The following GALC variants were observed in gnomAD, a reference collection of about 807,000 sequenced individuals.
GALC encodes the protein galactocerebrosidase.
GALC carries 77 observed loss-of-function variants against 91.8 expected under a neutral mutation model. The observed-to-expected ratio is 0.84, with a 90% CI of 0.70 to 1.01. GALC has a LOEUF of 1.01. Ranked by LOEUF, GALC falls within the 50% of genes least tolerant of loss-of-function variation. The pLI is 0.00. For synonymous variants in GALC, 357 were observed against 306.7 expected (o/e 1.16, Z -1.71); for missense variants, 882 against 855.9 (o/e 1.03, Z -0.38).
intron 10 of GALC, chr14:87,953,826 G>C: frequency 6.2e-7 from 1 of 1,609,358 alleles, no homozygotes. Flanking sequence ...TGATTGTTTA[G>C]TCATGGTGCT....
chr14:87,946,565 G>A (rs1403252513), intron 13 of GALC, among the ~76,000 whole-genome samples: 1 of 151,512 alleles, frequency 6.6e-6, no homozygotes, highest in Non-Finnish European at 1.5e-5. Context: ...TATATTTGAA[G>A]GTTTGAAATT....
chr14:87,947,666 A>C, intron 13 of GALC, 62 bp downstream of exon 13: 3 of 1,498,592 alleles, frequency 2.0e-6, no homozygotes, highest in Non-Finnish European at 2.8e-6. Flanking sequence ...TTTGACAGGT[A>C]GAAATCAACA....
At chr14:87,988,921 T>C (rs943008485) in intron 1 of GALC, among the ~76,000 whole-genome samples, 6 of 152,190 alleles carry the variant, frequency 3.9e-5, no homozygotes, top group Admixed American at 2.6e-4. Context: ...CAAGCAGCAA[T>C]GCTGAAAGGA....
rs745970198 is a variant in GALC at position 87,992,938 on chromosome 14, C to T, written c.195+32G>A. ...GGCCCCACGGGGCGGGCTCTTGCCG[C>T]CCCCCGCGTATCCCCGCAGCTTGCC... On this transcript the variant is annotated intron_variant, in intron 1 of 16. Coordinates refer to ENST00000261304, the MANE Select transcript of GALC (RefSeq NM_000153.4). 179 of 1,499,676 alleles carry T rather than the reference C, an allele frequency of 1.2e-4. 1 individual carries two copies. The African/African-American group carries it at 2.2e-3, about 19-fold the overall frequency. The allele number at this position is 1,499,676 out of a possible 1,614,324, so 92.9% of individuals were successfully genotyped here.
In GALC at chr14:87,993,042, G is replaced by T; in HGVS notation, c.123C>A (p.Gly41=). The change falls in exon 1 of 17, where the codon GGC becomes GGA. Residue 41 remains glycine (G), a synonymous_variant. Coordinates refer to ENST00000261304, the MANE Select transcript of GALC (RefSeq NM_000153.4). The part of the protein sequence containing the change: ...LLLCALLAPG[G]AYVLDDSDGL... ...CGTCGGAGTCGTCGAGCACGTACGC[G>T]CCGCCGGGCGCCAGCAGCGCACACA... The T allele has an allele frequency of 6.4e-7, 1 of 1,554,604 alleles. No homozygotes were observed. The highest frequency in any genetic ancestry group is 1.2e-5 in the South Asian group (1 of 85,158).
At chr14:87,950,590 T>TA in intron 11 of GALC, 69 bp downstream of exon 11, 10 of 962,014 alleles carry the variant, frequency 1.0e-5, no homozygotes, top group Non-Finnish European at 1.6e-5. Flanking sequence ...ACTTAAGAAC[T>TA]ACTGGCCTGT....
At position 87,984,605 on chromosome 14, in the gene GALC, T is replaced by A. The variant is rs539506929; in HGVS notation, c.443-72A>T. ...CTGGCGCTATTGAAAATAAAACAAA[T>A]TTTTTTTAAGAAAAGCATTCAACTA... On this transcript the variant is annotated intron_variant, in intron 4 of 16. Transcript: ENST00000261304. 1.2e-4 allele frequency: 181 copies of A among 1,522,858 alleles called. 1 individual carries two copies. In the African/African-American group the frequency reaches 2.2e-3, roughly 18 times the overall value. 94.3% of individuals were successfully genotyped at this position (1,522,858 alleles called of 1,614,324 possible).
chr14:87,965,869 T>C (rs1886030463), intron 8 of GALC, among the ~76,000 whole-genome samples: 1 of 152,156 alleles, frequency 6.6e-6, no homozygotes, highest in South Asian at 2.1e-4. Flanking sequence ...TACAAATGTA[T>C]TATGTGCAAA....
chr14:87,937,879 T>C (rs1485950508), intron 16 of GALC, among the ~76,000 whole-genome samples: 1 of 151,708 alleles, frequency 6.6e-6, no homozygotes, highest in Non-Finnish European at 1.5e-5. Context: ...TGGTGAAATA[T>C]AGCATGCTTT....
chr14:87,975,753 T>A (rs1336245757), intron 7 of GALC, among the ~76,000 whole-genome samples: 1 of 151,326 alleles, frequency 6.6e-6, no homozygotes, highest in African/African-American at 2.4e-5. Flanking sequence ...TCTACACACA[T>A]ACATACACAC....
At chr14:87,953,547 T>C (rs1885396693) in intron 10 of GALC, 2 of 1,602,476 alleles carry the variant, frequency 1.2e-6, no homozygotes, top group Non-Finnish European at 1.7e-6. Context: ...TGCCACCAAA[T>C]GAGATACGTA....
chr14:87,982,864 G>A (rs1462495261), intron 5 of GALC, among the ~76,000 whole-genome samples: 2 of 152,144 alleles, frequency 1.3e-5, no homozygotes, highest in Non-Finnish European at 2.9e-5. Context: ...TCCAGGTGCA[G>A]GTCTTTTTAC....
chr14:87,991,912 G>C (rs1367053233), intron 1 of GALC, among the ~76,000 whole-genome samples: 1 of 152,176 alleles, frequency 6.6e-6, no homozygotes, highest in Non-Finnish European at 1.5e-5. Context: ...TGAAATATTG[G>C]CTGTTTCAGG....
rs1884425359 is a variant in GALC, at chr14:87,933,014, T to C, written c.*1718A>G. ...AATAAAAATATATTTGACACAAAGA[T>C]TGTAAATGTAGACAGTTTTAATTGT... is the stretch of plus-strand genomic sequence containing the variant. On this transcript the variant is annotated 3_prime_UTR_variant, in exon 17 of 17. Transcript: ENST00000261304. 6.6e-6 allele frequency: 1 copy of C among 152,050 alleles called. No individual in the cohort carries two copies. Among genetic ancestry groups the C allele is most frequent in the Non-Finnish European group, 1.5e-5 (1 of 67,998 alleles). The allele number at this position is 152,050 out of a possible 1,614,324, so 9.4% of individuals were successfully genotyped here.
chr14:87,944,951 A>G (rs415076), intron 14 of GALC, among the ~76,000 whole-genome samples: 74,681 of 150,632 alleles, frequency 0.5, 19,070 homozygotes, highest in African/African-American at 0.6. Context: ...GACAGGTGGA[A>G]TAAGTCAGCA....
At chr14:87,953,735 T>C (rs1885403715) in intron 10 of GALC, 3 of 1,607,026 alleles carry the variant, frequency 1.9e-6, no homozygotes, top group Non-Finnish European at 2.5e-6. Context: ...GTTGTAGAAA[T>C]GGATCAGAGG....
At chr14:87,988,062 CAT>C in intron 3 of GALC, 80 bp downstream of exon 3, 1 of 1,049,154 alleles carries the variant, frequency 9.5e-7, no homozygotes, top group Admixed American at 1.7e-5. Context: ...ATTGTTTACA[CAT>C]ATTCTGAAAT....
rs17123925 is a variant in GALC at position 87,947,541 on chromosome 14, C to A, written c.1489+187G>T. Among the ~76,000 whole-genome samples, 13,175 of 151,966 alleles carry A rather than the reference C, an allele frequency of 0.087. 725 individuals are homozygous for A. Among genetic ancestry groups the A allele is most frequent in the African/African-American group, 0.14 (5,874 of 41,458 alleles). On this transcript the variant is annotated intron_variant, in intron 13 of 16. Coordinates refer to ENST00000261304, the MANE Select transcript of GALC (RefSeq NM_000153.4). ...TTTCTGAAACTGAAAAATACAGGGT[C>A]CTCAAATTTAGATTTACCATAAAGT...
chr14:87,958,258 G>A (rs187448051), intron 10 of GALC, among the ~76,000 whole-genome samples: 1 of 152,246 alleles, frequency 6.6e-6, no homozygotes, highest in African/African-American at 2.4e-5. Flanking sequence ...AGGGAACAGA[G>A]CAACAAGGGA....
Sources: gnomAD v4.1 joint callset for allele counts (sites outside exome capture counted in the v4.1 genomes callset) on GRCh38, gnomAD v4.1.1 for gene constraint, MANE v1.5 for transcripts, NCBI Gene and HGNC (gene_info 2026-07-23, HGNC 2026-07-21) for gene names.